Variants in CCDC15 observed in about 807,000 individuals in gnomAD.
CCDC15 encodes coiled-coil domain-containing protein 15.
In CCDC15, 105 loss-of-function variants were observed where a neutral mutation model predicts 114.5. That is an observed-to-expected ratio of 0.92 (90% CI 0.78 to 1.08). The LOEUF (loss-of-function observed/expected upper bound fraction) is 1.08. Ranked by LOEUF, CCDC15 falls within the 50% of genes least tolerant of loss-of-function variation. The pLI is 0.00. For missense variants in CCDC15, 1,105 were observed against 1,093.6 expected (o/e 1.01, Z -0.15); for synonymous variants, 334 against 377.8 (o/e 0.88, Z 1.34).
At chr11:125,010,094 G>A (rs1261997040) in intron 13 of CCDC15, among the ~76,000 whole-genome samples, 4 of 152,122 alleles carry the variant, frequency 2.6e-5, no homozygotes, top group South Asian at 2.1e-4. Context: ...CTAACAAACC[G>A]CTTTCCACAG....
intron 3 of CCDC15, 142 bp from the exon 4 acceptor site, chr11:124,959,673 T>A: frequency 1.7e-6 from 1 of 595,568 alleles, no homozygotes. Context: ...AGGTGCCTGG[T>A]AAATGTTAGT....
intron 13 of CCDC15, among the ~76,000 whole-genome samples, chr11:125,013,281 A>C (rs879356895): frequency 1.3e-5 from 2 of 152,214 alleles, no homozygotes; most frequent in Non-Finnish European, 2.9e-5. Context: ...GCTTAGTATG[A>C]AGCATAAGGT....
chr11:124,957,930 T>C (rs559968125), intron 2 of CCDC15, among the ~76,000 whole-genome samples: 1 of 152,132 alleles, frequency 6.6e-6, no homozygotes, highest in Non-Finnish European at 1.5e-5. Flanking sequence ...AAGAGAGACA[T>C]AGTCAAGAGA....
intron 6 of CCDC15, among the ~76,000 whole-genome samples, chr11:124,984,730 C>G (rs1162067221): frequency 6.6e-6 from 1 of 152,110 alleles, no homozygotes; most frequent in Non-Finnish European, 1.5e-5. Context: ...TTCAATTCAT[C>G]CCTTCCCCAG....
chr11:124,955,401 C>T (rs569025418), intron 2 of CCDC15, among the ~76,000 whole-genome samples: 1 of 152,340 alleles, frequency 6.6e-6, no homozygotes, highest in Admixed American at 6.5e-5. Context: ...CTGAGAAAGT[C>T]TAACTAGAAA....
intron 13 of CCDC15, among the ~76,000 whole-genome samples, chr11:125,012,860 T>C (rs1033840113): frequency 6.6e-6 from 1 of 152,160 alleles, no homozygotes; most frequent in Non-Finnish European, 1.5e-5. Flanking sequence ...CTAGAATATA[T>C]GACAGGATAG....
At chr11:124,992,535 AT>A (rs1453999793) in intron 9 of CCDC15, 44 bp from the exon 10 acceptor site, 10 of 1,180,848 alleles carry the variant, frequency 8.5e-6, no homozygotes, top group Non-Finnish European at 9.8e-6. Context: ...GCATTACACA[AT>A]TTTTTTTCTG....
chr11:125,002,847 G>A (rs1261898223), intron 11 of CCDC15, among the ~76,000 whole-genome samples: 1 of 151,988 alleles, frequency 6.6e-6, no homozygotes, highest in African/African-American at 2.4e-5. Flanking sequence ...CCCTAACTTT[G>A]TTCTTTTTCA....
chr11:125,018,473 G>T (rs539056995), intron 13 of CCDC15, among the ~76,000 whole-genome samples: 2 of 152,094 alleles, frequency 1.3e-5, no homozygotes, highest in South Asian at 4.1e-4. Flanking sequence ...AGCATGACTG[G>T]AAATAGATCA....
intron 6 of CCDC15, among the ~76,000 whole-genome samples, chr11:124,985,079 C>A (rs910731067): frequency 2.6e-5 from 4 of 152,202 alleles, no homozygotes; most frequent in Admixed American, 6.5e-5. Flanking sequence ...CTATACTGGA[C>A]ATTTCATATG....
chr11:125,025,427 C>G (rs1056383953), intron 13 of CCDC15, among the ~76,000 whole-genome samples: 25 of 151,532 alleles, frequency 1.6e-4, no homozygotes, highest in Non-Finnish European at 3.4e-4. Flanking sequence ...GTAATGCTGG[C>G]CTTATAGGAT....
chr11:125,001,264 T>A (rs1948476808), intron 11 of CCDC15, among the ~76,000 whole-genome samples: 1 of 152,228 alleles, frequency 6.6e-6, no homozygotes, highest in African/African-American at 2.4e-5. Flanking sequence ...GCAACATGCA[T>A]ATTGGATGAC....
chr11:124,963,538 A>G (rs1947712166), intron 4 of CCDC15, among the ~76,000 whole-genome samples: 1 of 152,176 alleles, frequency 6.6e-6, no homozygotes. Context: ...GATTCTGGAT[A>G]TTACCCCTTT....
In CCDC15 at chr11:124,974,957, C is replaced by G. The variant is rs1326238225; in HGVS notation, c.517-139C>G. ...TACCACACTATCAGCACATCAAAGT[C>G]TCCTTTGCAAGTAATCCTGTTGTCT... On this transcript the variant is annotated intron_variant, in intron 4 of 15. Coordinates refer to ENST00000344762, the MANE Select transcript of CCDC15 (RefSeq NM_025004.3). 5.7e-6 allele frequency: 3 copies of G among 528,228 alleles called. No individual in the cohort carries two copies. In the African/African-American group the frequency reaches 6.0e-5, roughly 11 times the overall value. The allele number at this position is 528,228 out of a possible 1,614,324, so 32.7% of individuals were successfully genotyped here.
At chr11:124,955,443 T>A (rs1181187589) in intron 2 of CCDC15, among the ~76,000 whole-genome samples, 1 of 152,264 alleles carries the variant, frequency 6.6e-6, no homozygotes, top group Admixed American at 6.5e-5. Flanking sequence ...TTCACCAAAC[T>A]GTGCCCCTTA....
Position 125,019,885 on chromosome 11 carries a change from G to A in CCDC15, c.2411+14673G>A, listed in dbSNP as rs375511417. Among the ~76,000 whole-genome samples, 9 of 151,960 alleles carry A rather than the reference G, an allele frequency of 5.9e-5. No homozygotes were observed. The South Asian group carries it at 8.3e-4, about 14-fold the overall frequency. ...ATATTTGTACATATTAGTGGGGTAC[G>A]TGTGAAATTTTGTTACATAGGATAC... On this transcript the variant is annotated intron_variant, in intron 13 of 15. Coordinates refer to ENST00000344762, the MANE Select transcript of CCDC15 (RefSeq NM_025004.3).
chr11:125,034,460 A>G (rs1948762025), intron 13 of CCDC15, among the ~76,000 whole-genome samples: 1 of 151,960 alleles, frequency 6.6e-6, no homozygotes, highest in South Asian at 2.1e-4. Context: ...AGGAGATAAG[A>G]CTCTTACTCA....
At chr11:124,968,737 CG>C (rs1186772473) in intron 4 of CCDC15, among the ~76,000 whole-genome samples, 1 of 152,146 alleles carries the variant, frequency 6.6e-6, no homozygotes, top group Non-Finnish European at 1.5e-5. Flanking sequence ...TCTTCTGCGT[CG>C]ATCACGCTGG....
rs1948193800 is a variant in CCDC15, at chr11:124,987,620, C to G, written c.1394C>G (p.Pro465Arg). Residue 465 changes from proline to arginine, a missense_variant, in exon 8 of 16, where the codon CCA (proline) becomes CGA (arginine). Transcript: ENST00000344762. Reference protein sequence around the residue: ...HVLHKDQDILPKYQDQNFLPK... With the variant: ...HVLHKDQDILRKYQDQNFLPK... ...CTCCACAAAGACCAAGATATTCTGC[C>G]AAAATATCAGGACCAGAATTTTCTA... The G allele has an allele frequency of 3.7e-6, 6 of 1,613,948 alleles. No individual in the cohort carries two copies.
Sources: allele counts gnomAD v4.1 joint callset (sites outside exome capture counted in the v4.1 genomes callset), GRCh38; gene constraint gnomAD v4.1.1; transcripts MANE v1.5; gene names NCBI Gene and HGNC (gene_info 2026-07-23, HGNC 2026-07-21).